The following DIP2C variants were observed in gnomAD, a reference collection of about 807,000 sequenced individuals.
DIP2C encodes disco-interacting protein 2 homolog C.
A neutral mutation model predicts 192.4 loss-of-function variants in DIP2C; 33 were observed. The observed-to-expected ratio is 0.17, with a 90% CI of 0.13 to 0.23. DIP2C has a LOEUF of 0.23. Among genes scored for constraint, DIP2C ranks in the 10% least tolerant of loss-of-function variants. The pLI is 1.00. For synonymous variants in DIP2C, 979 were observed against 864.1 expected (o/e 1.13, Z -2.33); for missense variants, 1,537 against 2,110.1 (o/e 0.73, Z 5.32).
At chr10:353,549 C>G (rs1034330846) in intron 24 of DIP2C, among the ~76,000 whole-genome samples, 2 of 152,174 alleles carry the variant, frequency 1.3e-5, no homozygotes, top group African/African-American at 4.8e-5. Flanking sequence ...GCCAAAACAC[C>G]CAGCTATTTT....
At chr10:670,275 T>C (rs61833031) in intron 1 of DIP2C, among the ~76,000 whole-genome samples, 5 of 142,380 alleles carry the variant, frequency 3.5e-5, no homozygotes, top group Admixed American at 6.8e-5. Context: ...CACGCATGCA[T>C]ATACACACGT....
chr10:464,497 A>G (rs373858080), intron 3 of DIP2C, among the ~76,000 whole-genome samples: 17 of 152,336 alleles, frequency 1.1e-4, no homozygotes, highest in African/African-American at 3.6e-4. Flanking sequence ...AGGCAACAAC[A>G]GATGCTGGAG....
intron 1 of DIP2C, among the ~76,000 whole-genome samples, chr10:487,474 G>C (rs1189782644): frequency 6.6e-6 from 1 of 150,944 alleles, no homozygotes; most frequent in Non-Finnish European, 1.5e-5. Context: ...TCATGATACA[G>C]GTTCTCGTCT....
At chr10:480,972 G>A (rs1203412241) in intron 2 of DIP2C, among the ~76,000 whole-genome samples, 2 of 152,216 alleles carry the variant, frequency 1.3e-5, no homozygotes, top group African/African-American at 2.4e-5. Flanking sequence ...TACCCTGTGA[G>A]CTGCCACATG....
At chr10:445,887 T>C (rs1007049981) in intron 3 of DIP2C, among the ~76,000 whole-genome samples, 1 of 150,300 alleles carries the variant, frequency 6.7e-6, no homozygotes, top group Admixed American at 6.6e-5. Context: ...GAGAAGAGTC[T>C]ATCTTGCACT....
At position 363,532 on chromosome 10, in the gene DIP2C, C is replaced by T. The variant is rs183672143; in HGVS notation, c.2478-221G>A. 4.5e-4 allele frequency among the ~76,000 whole-genome samples: 69 copies of T among 152,332 alleles called. No individual in the cohort carries two copies. Among genetic ancestry groups the T allele is most frequent in the Non-Finnish European group, 8.4e-4 (57 of 68,034 alleles). On this transcript the variant is annotated intron_variant, in intron 20 of 36. Transcript: ENST00000280886. This position sits in a 1 kb window ranked among gnomAD's most constrained non-coding sequence, Gnocchi z 5.4. The stretch of plus-strand genomic sequence containing the variant: ...CGAGGCAAGGTCACCCTGATCCCCA[C>T]GGAGGCCACACACAGCACCCGCGGG...
At chr10:386,905 T>G (rs1404502837) in intron 14 of DIP2C, among the ~76,000 whole-genome samples, 2 of 152,108 alleles carry the variant, frequency 1.3e-5, no homozygotes, top group Non-Finnish European at 2.9e-5. Context: ...AGGCCCACCT[T>G]AAACAAATAA....
At chr10:389,804 C>T (rs545634379) in intron 13 of DIP2C, among the ~76,000 whole-genome samples, 187 bp downstream of exon 13, 2 of 152,250 alleles carry the variant, frequency 1.3e-5, no homozygotes, top group East Asian at 1.9e-4. Flanking sequence ...CTGTTGAAGC[C>T]GCCCAGTCTG....
intron 17 of DIP2C, among the ~76,000 whole-genome samples, chr10:381,662 T>C (rs757603171): frequency 5.3e-5 from 8 of 152,222 alleles, no homozygotes; most frequent in Non-Finnish European, 1.2e-4. Flanking sequence ...TTGTTATTTC[T>C]GTCTGTGTCC....
intron 1 of DIP2C, among the ~76,000 whole-genome samples, chr10:488,247 G>C (rs988827226): frequency 2.0e-5 from 3 of 152,102 alleles, no homozygotes; most frequent in Non-Finnish European, 4.4e-5. Context: ...ACTAAGTCTC[G>C]AGGCTGAGCC....
intron 1 of DIP2C, among the ~76,000 whole-genome samples, chr10:534,074 G>C (rs768423219): frequency 6.6e-6 from 1 of 151,814 alleles, no homozygotes; most frequent in Non-Finnish European, 1.5e-5. Context: ...CAGTGACGAT[G>C]GTCAACTGGG....
intron 3 of DIP2C, among the ~76,000 whole-genome samples, chr10:446,880 T>C (rs1968268031): frequency 6.6e-6 from 1 of 152,232 alleles, no homozygotes; most frequent in Non-Finnish European, 1.5e-5. Flanking sequence ...ACATTGATTT[T>C]TGAATGATGA....
Position 403,722 on chromosome 10 carries a change from T to C in DIP2C, c.1150-4503A>G, listed in dbSNP as rs371373868. On this transcript the variant is annotated intron_variant, in intron 9 of 36. Coordinates refer to ENST00000280886, the MANE Select transcript of DIP2C (RefSeq NM_014974.3). ...GTAGCATTAGCATTACTCTTCCTTATGGACAAGTTTGGTACATTTTCATCA... is the reference window on the plus strand; with the variant it reads ...GTAGCATTAGCATTACTCTTCCTTACGGACAAGTTTGGTACATTTTCATCA... 6.7e-4 allele frequency among the ~76,000 whole-genome samples: 102 copies of C among 151,240 alleles called. No individual in the cohort carries two copies. The Middle Eastern group carries it at 0.02, about 30-fold the overall frequency.
In DIP2C at chr10:584,189, G is replaced by A. The variant is rs75224696; in HGVS notation, c.86-97659C>T. On this transcript the variant is annotated intron_variant, in intron 1 of 36. Coordinates refer to ENST00000280886, the MANE Select transcript of DIP2C (RefSeq NM_014974.3). The stretch of plus-strand genomic sequence containing the variant: ...AACAAAACATCAACTATGCAGACAG[G>A]AAAAGAAAAATATACACCAATACTC... Among the ~76,000 whole-genome samples the A allele has an allele frequency of 2.5e-3, 374 of 152,166 alleles. 1 individual carries two copies. The highest frequency in any genetic ancestry group is 8.1e-3 in the South Asian group (39 of 4,814).
chr10:414,729 G>GTATATATATA (rs1373768409), intron 7 of DIP2C, among the ~76,000 whole-genome samples: 6 of 69,298 alleles, frequency 8.7e-5, no homozygotes, highest in African/African-American at 3.3e-4. Context: ...GTGTGTGTGT[G>GTATATATATA]TGTGTGTGTG....
intron 34 of DIP2C, among the ~76,000 whole-genome samples, 157 bp from the exon 35 acceptor site, chr10:283,603 T>C (rs1954950429): frequency 6.6e-6 from 1 of 152,200 alleles, no homozygotes; most frequent in African/African-American, 2.4e-5. Flanking sequence ...TTCGGGTTTC[T>C]CGAGAGACAC....
intron 2 of DIP2C, among the ~76,000 whole-genome samples, chr10:480,324 C>T (rs2133510064): frequency 6.7e-6 from 1 of 149,122 alleles, no homozygotes; most frequent in South Asian, 2.2e-4. Flanking sequence ...AGCTCCGGTC[C>T]ATGCTCACTG....
At position 458,991 on chromosome 10, in the gene DIP2C, C is replaced by CAAA. The variant is rs35681631; in HGVS notation, c.268+13445_268+13447dup. On this transcript the variant is annotated intron_variant, in intron 3 of 36. Transcript: ENST00000280886. ...TTTCCAGTTTACCTCTCAACTTTTTCAAAAAAAAAAAAAAAAAAGCTTTAA... is the reference window on the plus strand; with the variant it reads ...TTTCCAGTTTACCTCTCAACTTTTTCAAAAAAAAAAAAAAAAAAAAAGCTTTAA... Among the ~76,000 whole-genome samples the CAAA allele has an allele frequency of 3.6e-4, 37 of 102,686 alleles. 1 individual carries two copies. Among genetic ancestry groups the CAAA allele is most frequent in the African/African-American group, 1.2e-3 (35 of 28,056 alleles). The allele number at this position is 102,686 out of a possible 152,430, so 67.4% of individuals were successfully genotyped here.
At chr10:664,571 T>C (rs1856972348) in intron 1 of DIP2C, 1 of 152,252 alleles carries the variant, frequency 6.6e-6, no homozygotes, top group African/African-American at 2.4e-5. Context: ...ATTAACACTA[T>C]TGATCATTGT....
Sources: allele counts gnomAD v4.1 joint callset (sites outside exome capture counted in the v4.1 genomes callset), GRCh38; gene constraint gnomAD v4.1.1; non-coding constraint Gnocchi (gnomAD v3.1); transcripts MANE v1.5; gene names NCBI Gene and HGNC (gene_info 2026-07-23, HGNC 2026-07-21).